COX17: variants seen among roughly 807,000 people sequenced by gnomAD.
The protein encoded by COX17 is cytochrome c oxidase copper chaperone COX17, also known as cytochrome c oxidase copper chaperone.
Under a neutral mutation model 6.3 loss-of-function variants are expected in COX17, and 1 was observed. The observed-to-expected ratio is 0.16, with a 90% CI of 0.06 to 0.75. The LOEUF is 0.75. Among genes scored for constraint, COX17 ranks in the 30% least tolerant of loss-of-function variants. COX17 has a pLI of 0.77. For synonymous variants in COX17, 26 were observed against 30.5 expected (o/e 0.85, Z 0.49); for missense variants, 73 against 81.2 (o/e 0.90, Z 0.39).
chr3:119,675,120 C>CA, intron 2 of COX17, 25 bp downstream of exon 2: 1 of 1,518,886 alleles, frequency 6.6e-7, no homozygotes, highest in South Asian at 1.1e-5. Flanking sequence ...TAAAGCAATA[C>CA]ACAACTTTGA....
At chr3:119,676,397 G>C (rs939221902) in intron 1 of COX17, among the ~76,000 whole-genome samples, 5 of 152,152 alleles carry the variant, frequency 3.3e-5, no homozygotes, top group Non-Finnish European at 7.3e-5. Context: ...TCTACTATCT[G>C]GGAAGACAAA....
At chr3:119,675,057 A>G (rs2053085547) in intron 2 of COX17, 88 bp downstream of exon 2, 7 of 911,402 alleles carry the variant, frequency 7.7e-6, no homozygotes, top group East Asian at 2.4e-5. Context: ...ATTTTAGATT[A>G]ACCAGGTGAA....
At chr3:119,676,667 A>C in intron 1 of COX17, 1 of 566,576 alleles carries the variant, frequency 1.8e-6, no homozygotes, top group Non-Finnish European at 3.2e-6. Flanking sequence ...TTTTGGGAGA[A>C]AGCCTTAGAA....
downstream of COX17, among the ~76,000 whole-genome samples, chr3:119,667,694 C>T (rs1330283433): frequency 8.8e-5 from 3 of 33,958 alleles, no homozygotes; most frequent in Admixed American, 1.6e-3. Context: ...GGTGTACACA[C>T]ACACACACAC....
At chr3:119,673,754 G>C (rs2053068847) in intron 2 of COX17, among the ~76,000 whole-genome samples, 1 of 152,240 alleles carries the variant, frequency 6.6e-6, no homozygotes. Context: ...CCAAACAAAA[G>C]AGTATCATTT....
intron 3 of COX17, among the ~76,000 whole-genome samples, chr3:119,664,462 A>G (rs2052975942): frequency 1.2e-5 from 1 of 81,332 alleles, no homozygotes; most frequent in African/African-American, 2.8e-5. Context: ...CATTCCAGGA[A>G]GAAAGAACAG....
At chr3:119,667,659 C>G (rs2053004150), downstream of COX17, among the ~76,000 whole-genome samples, 1 of 98,366 alleles carries the variant, frequency 1.0e-5, no homozygotes, top group African/African-American at 3.8e-5. Context: ...ATCAGAGTAG[C>G]CAAAAAAAAA....
At chr3:119,677,034 G>C (rs1351454124) in intron 1 of COX17, 170 bp downstream of exon 1, 19 of 521,106 alleles carry the variant, frequency 3.6e-5, no homozygotes, top group Non-Finnish European at 4.8e-5. Context: ...GGGGGGGGGG[G>C]GCAGACAGGG....
intron 2 of COX17, among the ~76,000 whole-genome samples, chr3:119,670,545 T>C (rs1305559955): frequency 6.6e-6 from 1 of 152,184 alleles, no homozygotes; most frequent in Non-Finnish European, 1.5e-5. Context: ...ACTGACTACA[T>C]AACAAAAGGG....
intron 2 of COX17, among the ~76,000 whole-genome samples, chr3:119,674,090 C>T (rs1448413209): frequency 1.3e-5 from 2 of 150,990 alleles, no homozygotes; most frequent in Non-Finnish European, 2.9e-5. Flanking sequence ...AGCGCCTCTG[C>T]CCAGCTGCCG....
chr3:119,668,666 G>T (rs1577178370), downstream of COX17, among the ~76,000 whole-genome samples: 1 of 151,514 alleles, frequency 6.6e-6, no homozygotes, highest in African/African-American at 2.4e-5. Flanking sequence ...AATGAATTAG[G>T]AAAGAATCTT....
Position 119,675,009 on chromosome 3 carries a change from A to G in COX17, c.*4+136T>C, listed in dbSNP as rs2053085123. ...ACATAATTTACTCCCTTCATTGGGA[A>G]CTGAAAAATCATGGTTTTTTCAAAT... On this transcript the variant is annotated intron_variant, in intron 2 of 2. Coordinates refer to ENST00000261070, the MANE Select transcript of COX17 (RefSeq NM_005694.2). The G allele has an allele frequency of 9.5e-6, 6 of 631,556 alleles. No homozygotes were observed. The East Asian group carries it at 1.6e-4, about 17-fold the overall frequency. The allele number at this position is 631,556 out of a possible 1,614,324, so 39.1% of individuals were successfully genotyped here.
intron 2 of COX17, chr3:119,674,538 T>C (rs2053079050): frequency 6.6e-6 from 1 of 152,396 alleles, no homozygotes; most frequent in Admixed American, 6.5e-5. Flanking sequence ...CTCACACCTC[T>C]TAATCCCAGC....
In COX17 at chr3:119,677,198, A is replaced by C. The variant is rs771065921; in HGVS notation, c.107+6T>G. 3 of 1,607,032 alleles carry C rather than the reference A, an allele frequency of 1.9e-6. No individual in the cohort carries two copies. Among genetic ancestry groups the C allele is most frequent in the Non-Finnish European group, 2.5e-6 (3 of 1,177,406 alleles). On this transcript the variant is annotated splice_donor_region_variant and intron_variant, in intron 1 of 2. Coordinates refer to ENST00000261070, the MANE Select transcript of COX17 (RefSeq NM_005694.2). Reference sequence around the variant, plus strand: ...TCGGCCGCGCCCTCTCCGGCTGCGCACTGACCACGCATCGCGCGCCTTCTT... The same window carrying C: ...TCGGCCGCGCCCTCTCCGGCTGCGCCCTGACCACGCATCGCGCGCCTTCTT...
At chr3:119,665,490 C>G (rs2052985832), downstream of COX17, among the ~76,000 whole-genome samples, 1 of 152,154 alleles carries the variant, frequency 6.6e-6, no homozygotes, top group Non-Finnish European at 1.5e-5. Flanking sequence ...TCTTCTCACC[C>G]CAGCCTCCCA....
chr3:119,668,779 T>C (rs192765824), downstream of COX17, among the ~76,000 whole-genome samples: 2 of 152,134 alleles, frequency 1.3e-5, no homozygotes, highest in Admixed American at 6.5e-5. Context: ...GTTCTCAGTA[T>C]CTTTTGTTCT....
At chr3:119,664,877 T>C (rs541391260), downstream of COX17, among the ~76,000 whole-genome samples, 1 of 152,190 alleles carries the variant, frequency 6.6e-6, no homozygotes, top group Non-Finnish European at 1.5e-5. Flanking sequence ...CACATACAGT[T>C]TGAGAAACAC....
downstream of COX17, among the ~76,000 whole-genome samples, chr3:119,666,538 A>G (rs2052994138): frequency 6.6e-6 from 1 of 152,226 alleles, no homozygotes; most frequent in South Asian, 2.1e-4. Flanking sequence ...AAAGAAATAA[A>G]CGCTGGGCAT....
chr3:119,664,600 A>T (rs1011872280), downstream of COX17, among the ~76,000 whole-genome samples: 3 of 152,220 alleles, frequency 2.0e-5, no homozygotes, highest in African/African-American at 7.2e-5. Context: ...GGGCCATCTT[A>T]TGAAGTCACC....
Sources: gnomAD v4.1 joint callset for allele counts (sites outside exome capture counted in the v4.1 genomes callset) on GRCh38, gnomAD v4.1.1 for gene constraint, MANE v1.5 for transcripts, NCBI Gene and HGNC (gene_info 2026-07-23, HGNC 2026-07-21) for gene names.